Variants in RIMS2 observed in about 807,000 individuals in gnomAD.
The protein encoded by RIMS2 is regulating synaptic membrane exocytosis 2, also known as regulating synaptic membrane exocytosis protein 2.
A neutral mutation model predicts 174.4 loss-of-function variants in RIMS2; 59 were observed. The ratio of observed to expected loss-of-function variants is 0.34; its 90% CI spans 0.27 to 0.42. The LOEUF is 0.42. Ranked by LOEUF, RIMS2 falls within the 10% of genes least tolerant of loss-of-function variation. The pLI is 1.00. For synonymous variants in RIMS2, 606 were observed against 572.5 expected (o/e 1.06, Z -0.84); for missense variants, 1,620 against 1,666.3 (o/e 0.97, Z 0.48).
At chr8:104,025,368 G>A (rs141256798) in intron 19 of RIMS2, among the ~76,000 whole-genome samples, 91 of 152,112 alleles carry the variant, frequency 6.0e-4, no homozygotes, top group African/African-American at 2.1e-3. Context: ...CACACCTCTA[G>A]TCCCAGCTAC....
chr8:103,684,612 ACT>A (rs906540230), intron 1 of RIMS2, among the ~76,000 whole-genome samples: 4 of 132,964 alleles, frequency 3.0e-5, no homozygotes, highest in African/African-American at 1.0e-4. Flanking sequence ...TTTGAGACAG[ACT>A]CTCGCTCTAT....
At chr8:104,213,848 G>GC (rs1330393302) in intron 19 of RIMS2, among the ~76,000 whole-genome samples, 1 of 150,132 alleles carries the variant, frequency 6.7e-6, no homozygotes, top group Non-Finnish European at 1.5e-5. Flanking sequence ...CTGTACTCCA[G>GC]CCTGGTGACA....
chr8:103,664,947 T>C (rs2096650378), intron 1 of RIMS2, among the ~76,000 whole-genome samples: 2 of 152,084 alleles, frequency 1.3e-5, no homozygotes, highest in Admixed American at 6.5e-5. Context: ...TATGCAGCCA[T>C]AAAAAAGGAT....
chr8:104,223,695 C>A, intron 19 of RIMS2: 3 of 1,591,804 alleles, frequency 1.9e-6, no homozygotes, highest in Non-Finnish European at 2.6e-6. Context: ...GCGGGGCGCT[C>A]CATGCAGCGC....
At chr8:104,051,727 T>C (rs1037986339) in intron 19 of RIMS2, among the ~76,000 whole-genome samples, 3 of 152,172 alleles carry the variant, frequency 2.0e-5, no homozygotes, top group Non-Finnish European at 4.4e-5. Context: ...TCATAAGTTC[T>C]GGAGAAGGGC....
chr8:104,047,090 C>G (rs796845017), intron 19 of RIMS2, among the ~76,000 whole-genome samples: 1 of 151,984 alleles, frequency 6.6e-6, no homozygotes, highest in African/African-American at 2.4e-5. Flanking sequence ...AGAGTTAAAG[C>G]TCTTGGGACT....
At chr8:103,696,862 C>CAAAAA (rs55852238) in intron 1 of RIMS2, among the ~76,000 whole-genome samples, 122 of 53,510 alleles carry the variant, frequency 2.3e-3, no homozygotes, top group Middle Eastern at 0.017. Context: ...GACTTCGTCT[C>CAAAAA]AAAAAAAAAA....
intron 1 of RIMS2, among the ~76,000 whole-genome samples, chr8:103,596,483 C>T (rs1036063543): frequency 6.6e-6 from 1 of 151,948 alleles, no homozygotes; most frequent in Admixed American, 6.6e-5. Context: ...TGAATTAGCT[C>T]TCCTCATAAA....
intron 3 of RIMS2, among the ~76,000 whole-genome samples, chr8:103,835,106 T>C (rs2098867979): frequency 6.9e-6 from 1 of 145,800 alleles, no homozygotes; most frequent in Non-Finnish European, 1.5e-5. Flanking sequence ...TTCTTTTCTT[T>C]TTTTTTTTTT....
Position 104,183,429 on chromosome 8 carries a change from A to C in RIMS2, c.3335-61487A>C, listed in dbSNP as rs2098950931. 1.3e-5 allele frequency among the ~76,000 whole-genome samples: 2 copies of C among 151,532 alleles called. 1 individual carries two copies. Among genetic ancestry groups the C allele is most frequent in the African/African-American group, 4.8e-5 (2 of 41,332 alleles). On this transcript the variant is annotated intron_variant, in intron 19 of 23. Coordinates refer to ENST00000504942, the Ensembl canonical transcript of RIMS2. ...ATCCATACATTTTGTAAAACCGGGA[A>C]TATAAGTAGTCAGAGACAGAGATCA...
At chr8:104,207,045 T>C (rs1207271206) in intron 19 of RIMS2, among the ~76,000 whole-genome samples, 2 of 152,162 alleles carry the variant, frequency 1.3e-5, no homozygotes, top group African/African-American at 4.8e-5. Flanking sequence ...ATCAAATGTC[T>C]GTTAAAGAGA....
chr8:103,700,050 T>C (rs2097150466), intron 2 of RIMS2, among the ~76,000 whole-genome samples: 1 of 152,174 alleles, frequency 6.6e-6, no homozygotes, highest in South Asian at 2.1e-4. Context: ...TCTTCTGTTT[T>C]TGGCCAGAAT....
At chr8:103,904,019 C>A (rs2073825937) in intron 4 of RIMS2, among the ~76,000 whole-genome samples, 1 of 152,010 alleles carries the variant, frequency 6.6e-6, no homozygotes, top group South Asian at 2.1e-4. Context: ...ATTCATATAA[C>A]CACCACTTCT....
intron 1 of RIMS2, among the ~76,000 whole-genome samples, chr8:103,686,607 G>A (rs1010414219): frequency 1.3e-5 from 2 of 152,094 alleles, no homozygotes; most frequent in Admixed American, 1.3e-4. Context: ...TTAAAATGTG[G>A]TTCCAAACTT....
chr8:103,971,304 T>C (rs903645691), intron 15 of RIMS2, among the ~76,000 whole-genome samples: 8 of 152,090 alleles, frequency 5.3e-5, no homozygotes, highest in Admixed American at 3.9e-4. Context: ...TTTGAGTTCT[T>C]GAATTAACTT....
intron 1 of RIMS2, among the ~76,000 whole-genome samples, chr8:103,507,181 C>T (rs1050268687): frequency 3.9e-5 from 6 of 152,114 alleles, no homozygotes; most frequent in Non-Finnish European, 8.8e-5. Flanking sequence ...GCCGGTTTCT[C>T]ATCCTTCTGG....
At chr8:103,989,413 T>A in exon 17 of RIMS2, 1 of 1,536,378 alleles carries the variant, frequency 6.5e-7, no homozygotes, top group Non-Finnish European at 9.0e-7. Context: ...ATTCTCCAGA[T>A]AGAGACAGGT....
At chr8:103,687,324 G>GT (rs908861859) in intron 1 of RIMS2, among the ~76,000 whole-genome samples, 5 of 148,744 alleles carry the variant, frequency 3.4e-5, no homozygotes, top group African/African-American at 9.9e-5. Context: ...TTTGTGTCTT[G>GT]TTTTTTTCAT....
At chr8:103,977,638 C>T (rs555997759) in intron 16 of RIMS2, among the ~76,000 whole-genome samples, 2 of 152,234 alleles carry the variant, frequency 1.3e-5, no homozygotes, top group Non-Finnish European at 2.9e-5. Flanking sequence ...TATCAGATTT[C>T]ACATTTTAAA....
Sources: gnomAD v4.1 joint callset for allele counts (sites outside exome capture counted in the v4.1 genomes callset) on GRCh38, gnomAD v4.1.1 for gene constraint, MANE v1.5 for transcripts, NCBI Gene and HGNC (gene_info 2026-07-23, HGNC 2026-07-21) for gene names.